Variants in TOX observed in about 807,000 individuals in gnomAD.
TOX encodes thymocyte selection-associated high mobility group box protein TOX.
Under a neutral mutation model 53.7 loss-of-function variants are expected in TOX, and 11 were observed. That is an observed-to-expected ratio of 0.20 (90% confidence interval 0.13 to 0.34). The LOEUF (loss-of-function observed/expected upper bound fraction) is 0.34. Ranked by LOEUF, TOX falls within the 10% of genes least tolerant of loss-of-function variation. TOX has a pLI of 1.00. For missense variants in TOX, 570 were observed against 664.6 expected, an observed-to-expected ratio of 0.86 and a Z score of 1.56; for synonymous variants, 225 against 245.3, an observed-to-expected ratio of 0.92 and a Z score of 0.77.
intron 1 of TOX, among the ~76,000 whole-genome samples, chr8:59,091,937 G>GT (rs144965994): frequency 9.5e-4 from 144 of 152,106 alleles, no homozygotes; most frequent in African/African-American, 3.4e-3. Context: ...AAATTTCAGT[G>GT]TAAGATTTGT....
At chr8:59,035,065 C>T (rs1411672578) in intron 1 of TOX, among the ~76,000 whole-genome samples, 2 of 152,134 alleles carry the variant, frequency 1.3e-5, no homozygotes, top group African/African-American at 2.4e-5. Context: ...GGGAATGGGG[C>T]AGCACACCTG....
rs55755723 is a variant in TOX, at chr8:59,021,481, A to AATATAT, written c.103-61479_103-61474dup. ...CTACAAGCAAAAAAAAAAAAAAAAA[A>AATATAT]ATATATATATATATATATGCACATA... On this transcript the variant is annotated intron_variant, in intron 1 of 8. Transcript: ENST00000361421. Among the ~76,000 whole-genome samples, 514 of 64,612 alleles carry AATATAT rather than the reference A, an allele frequency of 8.0e-3. 4 individuals carry two copies. The highest frequency in any genetic ancestry group is 0.011 in the African/African-American group (214 of 18,852). 42.4% of individuals were successfully genotyped at this position (64,612 alleles called of 152,430 possible). A position where few individuals can be genotyped will look rare whatever the true frequency, so the allele number is the denominator to read the frequency against.
intron 1 of TOX, among the ~76,000 whole-genome samples, chr8:59,042,665 G>T (rs1045556016): frequency 2.0e-5 from 3 of 152,064 alleles, no homozygotes; most frequent in African/African-American, 7.2e-5. Context: ...AATCTTATTT[G>T]TAAAGTCATC....
chr8:59,092,384 T>A (rs1188268495), intron 1 of TOX, among the ~76,000 whole-genome samples: 4 of 122,982 alleles, frequency 3.3e-5, no homozygotes, highest in Non-Finnish European at 6.3e-5. Flanking sequence ...AATAAAAAGC[T>A]CTTGCTGGTA....
chr8:58,872,451 G>C (rs1447196831), intron 3 of TOX, among the ~76,000 whole-genome samples: 2 of 152,006 alleles, frequency 1.3e-5, no homozygotes, highest in Non-Finnish European at 2.9e-5. Flanking sequence ...AAAGAGTATA[G>C]TAGGGAAAGG....
At chr8:58,849,660 C>T (rs546553012) in intron 4 of TOX, among the ~76,000 whole-genome samples, 8 of 152,200 alleles carry the variant, frequency 5.3e-5, no homozygotes, top group South Asian at 2.1e-4. Flanking sequence ...AGGAATAATC[C>T]GGTATACAAT....
chr8:58,981,356 C>T (rs1477606060), intron 1 of TOX, among the ~76,000 whole-genome samples: 3 of 152,148 alleles, frequency 2.0e-5, no homozygotes, highest in Non-Finnish European at 4.4e-5. Context: ...TCACTTCAAG[C>T]AAGCTTTTTC....
intron 3 of TOX, among the ~76,000 whole-genome samples, chr8:58,933,194 C>T (rs2129175886): frequency 6.6e-6 from 1 of 152,226 alleles, no homozygotes; most frequent in East Asian, 1.9e-4. Context: ...GTTGACTGCA[C>T]AAAGAACAAG....
At chr8:58,811,000 C>T (rs1810068070) in intron 7 of TOX, among the ~76,000 whole-genome samples, 1 of 152,134 alleles carries the variant, frequency 6.6e-6, no homozygotes, top group South Asian at 2.1e-4. Context: ...TAAACTTCAG[C>T]TAACTTCAAT....
chr8:59,111,327 T>C (rs1433353555), intron 1 of TOX, among the ~76,000 whole-genome samples: 1 of 152,184 alleles, frequency 6.6e-6, no homozygotes, highest in African/African-American at 2.4e-5. Context: ...GGATATAACA[T>C]GTCTGTTTAA....
At position 58,851,194 on chromosome 8, in the gene TOX, C is replaced by T. The variant is rs1411477119; in HGVS notation, c.693+330G>A. Among the ~76,000 whole-genome samples the T allele has an allele frequency of 8.1e-6, 1 of 122,952 alleles. No homozygotes were observed. The highest frequency in any genetic ancestry group is 1.8e-5 in the Non-Finnish European group (1 of 55,060). 80.7% of individuals were successfully genotyped at this position (122,952 alleles called of 152,430 possible). A position where few individuals can be genotyped will look rare whatever the true frequency, so the allele number is the denominator to read the frequency against. The stretch of plus-strand genomic sequence containing the variant: ...TCTCTCTCTCTCTCTCTCACACACA[C>T]ACACACACACACACACACGACCTTC... On this transcript the variant is annotated intron_variant, in intron 4 of 8. Transcript: ENST00000361421. This position sits in a 1 kb window ranked among gnomAD's most constrained non-coding sequence, Gnocchi z 4.4.
intron 1 of TOX, among the ~76,000 whole-genome samples, chr8:58,998,706 T>A (rs989035037): frequency 6.7e-6 from 1 of 149,280 alleles, no homozygotes; most frequent in African/African-American, 2.5e-5. Flanking sequence ...GCCTAGAAGG[T>A]ATATCTGGTC....
At chr8:58,861,894 T>A (rs1225948615) in intron 3 of TOX, among the ~76,000 whole-genome samples, 1 of 152,154 alleles carries the variant, frequency 6.6e-6, no homozygotes, top group Non-Finnish European at 1.5e-5. Context: ...TTGAGTTCAT[T>A]TAGAGGCACT....
At chr8:58,848,989 A>G (rs544331713) in intron 4 of TOX, among the ~76,000 whole-genome samples, 7 of 152,260 alleles carry the variant, frequency 4.6e-5, no homozygotes, top group African/African-American at 1.7e-4. Context: ...ACTTAATGCT[A>G]TTTCACATTT....
At chr8:58,920,411 C>T (rs1448031355) in intron 3 of TOX, among the ~76,000 whole-genome samples, 1 of 56,572 alleles carries the variant, frequency 1.8e-5, no homozygotes, top group Non-Finnish European at 3.3e-5. Flanking sequence ...TTTGTAGGGA[C>T]ATGTATGAAA....
chr8:59,053,532 C>T (rs1315273442), intron 1 of TOX, among the ~76,000 whole-genome samples: 2 of 152,124 alleles, frequency 1.3e-5, no homozygotes, highest in African/African-American at 4.8e-5. Context: ...GTCTTTTATC[C>T]AGAAACGTAG....
At chr8:58,960,823 T>C (rs902170065) in intron 1 of TOX, among the ~76,000 whole-genome samples, 7 of 152,214 alleles carry the variant, frequency 4.6e-5, no homozygotes, top group Admixed American at 4.6e-4. Context: ...ATCACTCTAC[T>C]CAGACTTAAT....
chr8:59,058,204 C>G (rs1318581028), intron 1 of TOX, among the ~76,000 whole-genome samples: 1 of 152,176 alleles, frequency 6.6e-6, no homozygotes, highest in African/African-American at 2.4e-5. Flanking sequence ...AGGAGCTGCT[C>G]AAGGCAGCAC....
intron 1 of TOX, among the ~76,000 whole-genome samples, chr8:59,066,462 A>G (rs1804094954): frequency 6.6e-6 from 1 of 152,228 alleles, no homozygotes; most frequent in Non-Finnish European, 1.5e-5. Context: ...TTGCAGTAAA[A>G]AAAAAAATTC....
Sources: gnomAD v4.1 joint callset for allele counts (sites outside exome capture counted in the v4.1 genomes callset) on GRCh38, gnomAD v4.1.1 for gene constraint, Gnocchi (gnomAD v3.1) non-coding constraint, MANE v1.5 for transcripts, NCBI Gene and HGNC (gene_info 2026-07-23, HGNC 2026-07-21) for gene names.